ARHGAP6: variants seen among roughly 807,000 people sequenced by gnomAD.
ARHGAP6 encodes the protein rho GTPase-activating protein 6.
Under a neutral mutation model 55.7 loss-of-function variants are expected in ARHGAP6, and 16 were observed. The ratio of observed to expected loss-of-function variants is 0.29; its 90% CI spans 0.19 to 0.44. The LOEUF is 0.44. Ranked by LOEUF, ARHGAP6 falls within the 20% of genes least tolerant of loss-of-function variation. The pLI, the probability that ARHGAP6 is intolerant of heterozygous loss-of-function variation, is 1.00. For missense variants in ARHGAP6, 698 were observed against 808.9 expected (o/e 0.86, Z 1.66); for synonymous variants, 382 against 360.9 (o/e 1.06, Z -0.66).
chrX:11,419,692 G>A (rs2049795576), intron 1 of ARHGAP6, among the ~76,000 whole-genome samples: 1 of 112,241 alleles, frequency 8.9e-6, no homozygotes, highest in African/African-American at 3.2e-5. Context: ...TGGCAAATAT[G>A]GAGCCCACGT....
intron 1 of ARHGAP6, among the ~76,000 whole-genome samples, chrX:11,371,922 C>T (rs1405755663): frequency 8.9e-6 from 1 of 112,211 alleles, no homozygotes; most frequent in Non-Finnish European, 1.9e-5. Flanking sequence ...TTTAATGTAT[C>T]TCATAAGCTT....
At chrX:11,589,085 G>A (rs565583045) in intron 1 of ARHGAP6, among the ~76,000 whole-genome samples, 4 of 102,266 alleles carry the variant, frequency 3.9e-5, no homozygotes, top group South Asian at 4.7e-4. Flanking sequence ...TCTGTCACCC[G>A]GGCTGGAGTG....
intron 1 of ARHGAP6, among the ~76,000 whole-genome samples, chrX:11,518,994 A>G (rs1364357100): frequency 1.3e-4 from 13 of 96,878 alleles, no homozygotes; most frequent in Non-Finnish European, 2.0e-4. Context: ...ATAGTATACC[A>G]TGGTGTATAT....
intron 1 of ARHGAP6, among the ~76,000 whole-genome samples, chrX:11,310,280 A>G (rs1476538855): frequency 9.1e-6 from 1 of 110,132 alleles, no homozygotes; most frequent in African/African-American, 3.3e-5. Context: ...GTGTCTCCAA[A>G]TGTTAAACAT....
intron 1 of ARHGAP6, among the ~76,000 whole-genome samples, chrX:11,560,520 A>G (rs2051374673): frequency 8.9e-6 from 1 of 112,408 alleles, no homozygotes; most frequent in South Asian, 3.7e-4. Flanking sequence ...TTTCAACAAA[A>G]TACACTCATC....
At chrX:11,574,042 G>A (rs1281264365) in intron 1 of ARHGAP6, among the ~76,000 whole-genome samples, 1 of 111,418 alleles carries the variant, frequency 9.0e-6, no homozygotes, top group African/African-American at 3.3e-5. Flanking sequence ...TTGAATCTCT[G>A]AATAGACCAA....
In ARHGAP6 at chrX:11,265,681, C is replaced by T; in HGVS notation, c.589-10974G>A. On this transcript the variant is annotated intron_variant, in intron 1 of 12. Coordinates refer to ENST00000337414, the MANE Select transcript of ARHGAP6 (RefSeq NM_013427.3). ...AGTGTAAGTATAGATATTTATATTG[C>T]TTACCCATAAATTATAATCAGCCGC... 9.3e-6 allele frequency: 8 copies of T among 862,261 alleles called. No homozygotes were observed. The South Asian group carries it at 1.8e-4, about 20-fold the overall frequency. The allele number at this position is 862,261 out of a possible 1,213,427, so 71.1% of individuals were successfully genotyped here.
At chrX:11,590,160 G>T in intron 1 of ARHGAP6, among the ~76,000 whole-genome samples, 1 of 111,615 alleles carries the variant, frequency 9.0e-6, no homozygotes, top group Middle Eastern at 4.6e-3. Flanking sequence ...CAGCAATGGC[G>T]TGTATATGGA....
intron 8 of ARHGAP6, among the ~76,000 whole-genome samples, chrX:11,174,966 C>T (rs988463571): frequency 9.1e-6 from 1 of 110,203 alleles, no homozygotes; most frequent in African/African-American, 3.3e-5. Context: ...GCTGGGATTA[C>T]AGGCGTGAGC....
chrX:11,312,161 T>C (rs1258892755), intron 1 of ARHGAP6, among the ~76,000 whole-genome samples: 1 of 112,086 alleles, frequency 8.9e-6, no homozygotes, highest in Non-Finnish European at 1.9e-5. Flanking sequence ...TAAAGTTTCT[T>C]TGAATTTTGA....
At chrX:11,327,441 T>C (rs1357692144) in intron 1 of ARHGAP6, among the ~76,000 whole-genome samples, 6 of 112,437 alleles carry the variant, frequency 5.3e-5, no homozygotes, top group Admixed American at 4.7e-4. Flanking sequence ...TTCAGCCCTT[T>C]AAAGATTGGA....
At chrX:11,524,425 C>A (rs1156290620) in intron 1 of ARHGAP6, among the ~76,000 whole-genome samples, 1 of 112,142 alleles carries the variant, frequency 8.9e-6, no homozygotes, top group Non-Finnish European at 1.9e-5. Context: ...CAGTTGATAT[C>A]CTCTCACAGA....
chrX:11,352,168 T>G (rs1361563304), intron 1 of ARHGAP6, among the ~76,000 whole-genome samples: 1 of 112,553 alleles, frequency 8.9e-6, no homozygotes, highest in Admixed American at 9.4e-5. Flanking sequence ...AAGGTTACTG[T>G]TCTCATCAAT....
chrX:11,625,634 T>A (rs182757336), intron 1 of ARHGAP6, among the ~76,000 whole-genome samples: 2 of 111,458 alleles, frequency 1.8e-5, no homozygotes, highest in African/African-American at 6.5e-5. Context: ...AGGACAAATA[T>A]AGTTAACAGT....
intron 1 of ARHGAP6, among the ~76,000 whole-genome samples, chrX:11,492,833 A>G (rs2050584726): frequency 8.9e-6 from 1 of 112,447 alleles, no homozygotes; most frequent in South Asian, 3.7e-4. Flanking sequence ...CTACACTTCA[A>G]TTCTCGGCCC....
chrX:11,321,091 G>A (rs2788524), intron 1 of ARHGAP6, among the ~76,000 whole-genome samples: 12,957 of 111,429 alleles, frequency 0.12, 605 homozygotes, highest in Non-Finnish European at 0.16. Context: ...TTGCAAAAGA[G>A]ACAGCTCATA....
intron 1 of ARHGAP6, among the ~76,000 whole-genome samples, chrX:11,288,899 C>T (rs2047953221): frequency 8.9e-6 from 1 of 112,146 alleles, no homozygotes; most frequent in Non-Finnish European, 1.9e-5. Context: ...TCCACTGAAC[C>T]TCAGCAGGAA....
At chrX:11,356,544 T>C (rs1167069943) in intron 1 of ARHGAP6, among the ~76,000 whole-genome samples, 1 of 112,159 alleles carries the variant, frequency 8.9e-6, no homozygotes, top group African/African-American at 3.2e-5. Context: ...TACTTTGACA[T>C]CAAGGTGATA....
chrX:11,151,544 A>G (rs980619348), intron 10 of ARHGAP6, among the ~76,000 whole-genome samples: 1 of 111,840 alleles, frequency 8.9e-6, no homozygotes, highest in African/African-American at 3.3e-5. Flanking sequence ...CCCCTCTGGC[A>G]TCCCGTTTTG....
Sources: gnomAD v4.1 joint callset for allele counts (sites outside exome capture counted in the v4.1 genomes callset) on GRCh38, gnomAD v4.1.1 for gene constraint, MANE v1.5 for transcripts, NCBI Gene and HGNC (gene_info 2026-07-23, HGNC 2026-07-21) for gene names.